Variants in ENTREP2 observed in about 807,000 individuals in gnomAD.
ENTREP2 encodes protein ENTREP2.
At chr15:29,146,373 G>T in the ENTREP2 span, among the ~76,000 whole-genome samples, 5 of 152,164 alleles carry the variant, frequency 3.3e-5, no homozygotes, top group East Asian at 9.6e-4. Flanking sequence ...TACAGAACTG[G>T]AGGGCTCACA....
chr15:29,314,151 CT>C, the ENTREP2 span, among the ~76,000 whole-genome samples: 261 of 152,286 alleles, frequency 1.7e-3, 1 homozygote, highest in African/African-American at 6.1e-3. Context: ...GGAATCTACT[CT>C]TGGTGAAGAT....
chr15:29,366,390 G>T, the ENTREP2 span, among the ~76,000 whole-genome samples: 74 of 152,114 alleles, frequency 4.9e-4, no homozygotes, highest in African/African-American at 1.7e-3. Flanking sequence ...TAAATTTAAT[G>T]TATTATTTAA....
chr15:29,482,468 T>C, the ENTREP2 span, among the ~76,000 whole-genome samples: 1 of 152,176 alleles, frequency 6.6e-6, no homozygotes, highest in African/African-American at 2.4e-5. Flanking sequence ...AAGAGACAGT[T>C]TCACTGCTCT....
the ENTREP2 span, among the ~76,000 whole-genome samples, chr15:29,554,861 T>A: frequency 6.6e-6 from 1 of 152,190 alleles, no homozygotes; most frequent in Non-Finnish European, 1.5e-5. Context: ...AGAAACCTCT[T>A]GGCTAGGAAA....
At chr15:29,194,993 G>A in the ENTREP2 span, 22 of 361,376 alleles carry the variant, frequency 6.1e-5, no homozygotes, top group South Asian at 2.2e-4. Context: ...ACGGCTGCCC[G>A]TGTCCCCTCC....
At chr15:29,545,658 T>A in the ENTREP2 span, among the ~76,000 whole-genome samples, 10 of 152,226 alleles carry the variant, frequency 6.6e-5, no homozygotes, top group Non-Finnish European at 1.3e-4. Flanking sequence ...TTTGTGATGA[T>A]CCACGTCATT....
chr15:29,340,191 A>G, the ENTREP2 span, among the ~76,000 whole-genome samples: 2 of 152,192 alleles, frequency 1.3e-5, no homozygotes, highest in Non-Finnish European at 2.9e-5. Context: ...CTTTGCCCCA[A>G]ATGAGGACAA....
At chr15:29,160,947 C>G in the ENTREP2 span, among the ~76,000 whole-genome samples, 1 of 151,930 alleles carries the variant, frequency 6.6e-6, no homozygotes, top group Non-Finnish European at 1.5e-5. Flanking sequence ...GAAGAAATAT[C>G]CAGCAATAGC....
the ENTREP2 span, among the ~76,000 whole-genome samples, chr15:29,439,878 C>T: frequency 6.6e-6 from 1 of 152,032 alleles, no homozygotes; most frequent in African/African-American, 2.4e-5. Flanking sequence ...ACCAGCTTGG[C>T]CAGGTGATCA....
chr15:29,224,627 A>G, the ENTREP2 span, among the ~76,000 whole-genome samples: 1 of 152,266 alleles, frequency 6.6e-6, no homozygotes, highest in Non-Finnish European at 1.5e-5. Context: ...TGTATTTACA[A>G]ACCCTGAGCT....
At chr15:29,397,509 A>G in the ENTREP2 span, among the ~76,000 whole-genome samples, 2 of 152,044 alleles carry the variant, frequency 1.3e-5, no homozygotes, top group African/African-American at 4.8e-5. Context: ...TAGAAAGAAC[A>G]GTGGTCCTCA....
chr15:29,428,531 G>A, the ENTREP2 span, among the ~76,000 whole-genome samples: 2 of 151,516 alleles, frequency 1.3e-5, no homozygotes, highest in African/African-American at 4.9e-5. Flanking sequence ...ATGTTTTAAA[G>A]CTTCACTTTT....
At chr15:29,581,283 C>T in the ENTREP2 span, among the ~76,000 whole-genome samples, 2 of 152,010 alleles carry the variant, frequency 1.3e-5, no homozygotes, top group African/African-American at 4.8e-5. Flanking sequence ...GATTAAGTAT[C>T]GTTGATTCTT....
the ENTREP2 span, among the ~76,000 whole-genome samples, chr15:29,354,664 C>T: frequency 2.6e-5 from 4 of 151,978 alleles, no homozygotes; most frequent in Admixed American, 1.3e-4. Context: ...CTATGAAACA[C>T]GCACAAGTTT....
At chr15:29,204,659 G>T in the ENTREP2 span, among the ~76,000 whole-genome samples, 1 of 152,142 alleles carries the variant, frequency 6.6e-6, no homozygotes, top group Non-Finnish European at 1.5e-5. Context: ...AATGAGATTA[G>T]ACAGGTAAAA....
the ENTREP2 span, among the ~76,000 whole-genome samples, chr15:29,572,414 A>G: frequency 2.0e-5 from 3 of 152,238 alleles, no homozygotes; most frequent in Non-Finnish European, 4.4e-5. Context: ...TTGAAACAAT[A>G]CAAGGCATGA....
the ENTREP2 span, among the ~76,000 whole-genome samples, chr15:29,367,192 A>G: frequency 6.6e-6 from 1 of 152,332 alleles, no homozygotes; most frequent in Admixed American, 6.5e-5. Flanking sequence ...CCCTAGTCCC[A>G]TCCTCCATTC....
chr15:29,395,551 A>G, the ENTREP2 span, among the ~76,000 whole-genome samples: 5 of 144,678 alleles, frequency 3.5e-5, no homozygotes, highest in African/African-American at 1.3e-4. Context: ...TTTTTTTGAG[A>G]CAGGGTCTCA....
the ENTREP2 span, among the ~76,000 whole-genome samples, chr15:29,625,835 A>G: frequency 1.3e-5 from 2 of 152,048 alleles, no homozygotes; most frequent in Non-Finnish European, 2.9e-5. Context: ...TATTTTAGCT[A>G]TTTAAAAAAC....
Sources: gnomAD v4.1 joint callset for allele counts (sites outside exome capture counted in the v4.1 genomes callset) on GRCh38, gnomAD v4.1.1 for gene constraint, MANE v1.5 for transcripts, NCBI Gene and HGNC (gene_info 2026-07-23, HGNC 2026-07-21) for gene names.